Variants in AGL observed in about 807,000 individuals in gnomAD.
AGL encodes the protein amylo-alpha-1,6-glucosidase and 4-alpha-glucanotransferase, also known as glycogen debranching enzyme.
AGL carries 128 observed loss-of-function variants against 199.3 expected under a neutral mutation model. The observed-to-expected ratio is 0.64, with a 90% CI of 0.56 to 0.74. AGL has a LOEUF of 0.74. Among genes scored for constraint, AGL ranks in the 30% least tolerant of loss-of-function variants. AGL has a pLI of 0.00. For synonymous variants in AGL, 584 were observed against 594.7 expected, an observed-to-expected ratio of 0.98 and a Z score of 0.26; for missense variants, 1,809 against 1,820.8, an observed-to-expected ratio of 0.99 and a Z score of 0.12.
intron 33 of AGL, among the ~76,000 whole-genome samples, chr1:99,917,190 C>T (rs149522828): frequency 0.013 from 1,983 of 152,190 alleles, 25 homozygotes; most frequent in Middle Eastern, 0.088. Context: ...TAATTATTAG[C>T]AAATAGACAG....
intron 13 of AGL, 121 bp downstream of exon 13, chr1:99,880,167 A>G (rs1012987713): frequency 9.2e-6 from 13 of 1,412,984 alleles, no homozygotes; most frequent in African/African-American, 2.8e-5. Flanking sequence ...GTTCTTCTAA[A>G]TACTTTGTAT....
intron 25 of AGL, among the ~76,000 whole-genome samples, chr1:99,897,314 G>T (rs1207418880): frequency 1.3e-5 from 2 of 152,130 alleles, no homozygotes; most frequent in African/African-American, 4.8e-5. Flanking sequence ...GAGAGAGTAG[G>T]GTTGGTGGGC....
intron 27 of AGL, among the ~76,000 whole-genome samples, chr1:99,908,426 G>C (rs1041702715): frequency 6.6e-6 from 1 of 152,088 alleles, no homozygotes; most frequent in African/African-American, 2.4e-5. Flanking sequence ...TTTGTAGTAA[G>C]TTTTGAAATG....
At chr1:99,868,662 G>A (rs1034278735) in intron 5 of AGL, among the ~76,000 whole-genome samples, 10 of 151,852 alleles carry the variant, frequency 6.6e-5, no homozygotes, top group Non-Finnish European at 1.5e-4. Flanking sequence ...TACACTTGTC[G>A]TCCTGACTAC....
Position 99,888,030 on chromosome 1 carries a change from G to T in AGL, c.2734G>T (p.Glu912Ter). ...AELNQILYRCESEEKEDGGGC... is the reference protein window; with the variant it reads ...AELNQILYRC ...GCTAAATCAGATCCTTTACCGATGT[G>T]AATCAGAAGAAAAGGAAGATGGTGG... The change falls in exon 21 of 34, where the codon GAA (glutamate) becomes TAA (stop). Residue 912 changes from glutamate (E) to a stop codon, truncating the protein, a stop_gained. Coordinates refer to ENST00000361915, the MANE Select transcript of AGL (RefSeq NM_000642.3). LOFTEE classifies it high-confidence loss of function. 1 of 1,613,484 alleles carries T rather than the reference G, an allele frequency of 6.2e-7. No individual in the cohort carries two copies. The highest frequency in any genetic ancestry group is 8.5e-7 in the Non-Finnish European group (1 of 1,179,646).
At chr1:99,890,642 A>C (rs1281633260) in intron 21 of AGL, among the ~76,000 whole-genome samples, 1 of 48,316 alleles carries the variant, frequency 2.1e-5, no homozygotes, top group African/African-American at 6.8e-5. Flanking sequence ...AAGGATTAAG[A>C]AAAAAAAAAT....
intron 7 of AGL, among the ~76,000 whole-genome samples, chr1:99,871,584 CAG>C (rs1651019653): frequency 6.6e-6 from 1 of 152,076 alleles, no homozygotes; most frequent in Non-Finnish European, 1.5e-5. Flanking sequence ...TTGCAGAAAA[CAG>C]AACTAGAGTA....
intron 33 of AGL, among the ~76,000 whole-genome samples, chr1:99,917,676 C>T (rs1272935976): frequency 6.6e-6 from 1 of 151,984 alleles, no homozygotes; most frequent in Non-Finnish European, 1.5e-5. Context: ...TTTTAATCTC[C>T]TTTGTTGGCT....
chr1:99,873,732 C>T (rs560020636), intron 7 of AGL, among the ~76,000 whole-genome samples: 32 of 152,262 alleles, frequency 2.1e-4, no homozygotes, highest in African/African-American at 7.2e-4. Flanking sequence ...CCATGCCCGG[C>T]GGCAGTTTTC....
chr1:99,916,551 T>C, intron 32 of AGL, 47 bp from the exon 33 acceptor site: 1 of 1,607,240 alleles, frequency 6.2e-7, no homozygotes, highest in Non-Finnish European at 8.5e-7. Context: ...TTCAAGTAAT[T>C]TTTAGGTATT....
At chr1:99,872,988 A>C (rs1651152138) in intron 7 of AGL, among the ~76,000 whole-genome samples, 1 of 152,098 alleles carries the variant, frequency 6.6e-6, no homozygotes, top group South Asian at 2.1e-4. Flanking sequence ...CAGGCCTCAA[A>C]TATATCCCCT....
At chr1:99,871,092 A>T (rs891333091) in intron 7 of AGL, among the ~76,000 whole-genome samples, 3 of 152,196 alleles carry the variant, frequency 2.0e-5, no homozygotes, top group Non-Finnish European at 4.4e-5. Flanking sequence ...TGGGTACTGT[A>T]TCTTACTGTT....
chr1:99,886,900 G>T (rs1274370697), intron 20 of AGL, among the ~76,000 whole-genome samples: 3 of 152,186 alleles, frequency 2.0e-5, no homozygotes, highest in African/African-American at 4.8e-5. Flanking sequence ...TAAAATGCAT[G>T]TTCCTCCTCA....
At chr1:99,915,792 A>G (rs1570516069) in intron 31 of AGL, among the ~76,000 whole-genome samples, 3 of 152,034 alleles carry the variant, frequency 2.0e-5, no homozygotes, top group South Asian at 2.1e-4. Context: ...ACACACACGC[A>G]CACACACACC....
chr1:99,885,127 G>C (rs11166367), intron 20 of AGL, among the ~76,000 whole-genome samples: 1 of 151,894 alleles, frequency 6.6e-6, no homozygotes, highest in East Asian at 1.9e-4. Flanking sequence ...GCTTCTAATT[G>C]TTCCCTATTA....
chr1:99,874,984 A>G (rs1170690537), intron 8 of AGL, among the ~76,000 whole-genome samples, 170 bp from the exon 9 acceptor site: 1 of 152,232 alleles, frequency 6.6e-6, no homozygotes, highest in African/African-American at 2.4e-5. Context: ...TGTGTGGGCC[A>G]TGTTTCTATA....
chr1:99,857,440 C>G (rs1166711726), intron 2 of AGL, among the ~76,000 whole-genome samples: 1 of 152,130 alleles, frequency 6.6e-6, no homozygotes, highest in African/African-American at 2.4e-5. Context: ...AGTCTCGGCA[C>G]TTTGGGAGGC....
At chr1:99,904,220 G>A (rs1654077875) in intron 27 of AGL, among the ~76,000 whole-genome samples, 1 of 152,096 alleles carries the variant, frequency 6.6e-6, no homozygotes, top group African/African-American at 2.4e-5. Context: ...CCAATGCAAG[G>A]CTAATAGTAA....
chr1:99,866,681 C>T (rs1400625027), intron 5 of AGL, among the ~76,000 whole-genome samples: 1 of 152,158 alleles, frequency 6.6e-6, no homozygotes, highest in Admixed American at 6.5e-5. Context: ...GTCTCTACCA[C>T]AGACTGTATT....
Sources: gnomAD v4.1 joint callset for allele counts (sites outside exome capture counted in the v4.1 genomes callset) on GRCh38, gnomAD v4.1.1 for gene constraint, MANE v1.5 for transcripts, NCBI Gene and HGNC (gene_info 2026-07-23, HGNC 2026-07-21) for gene names.